Variants in DLG2 observed in about 807,000 individuals in gnomAD.
DLG2 encodes the protein disks large homolog 2.
A neutral mutation model predicts 132.5 loss-of-function variants in DLG2; 45 were observed. The observed-to-expected ratio is 0.34, with a 90% CI of 0.27 to 0.44. The LOEUF is 0.44. DLG2 is among the 20% of genes least tolerant of loss of function. DLG2 has a pLI of 1.00. For missense variants in DLG2, 1,045 were observed against 1,196.9 expected (o/e 0.87, Z 1.87); for synonymous variants, 424 against 419.6 (o/e 1.01, Z -0.13).
At chr11:85,396,553 C>A (rs1205591774) in intron 3 of DLG2, among the ~76,000 whole-genome samples, 1 of 152,058 alleles carries the variant, frequency 6.6e-6, no homozygotes, top group Non-Finnish European at 1.5e-5. Context: ...GATTGGCTAA[C>A]TAAAATAAAC....
intron 6 of DLG2, chr11:84,997,605 T>A (rs1204538460): frequency 6.6e-6 from 1 of 152,252 alleles, no homozygotes; most frequent in East Asian, 1.9e-4. Flanking sequence ...TCAGGTGATC[T>A]TGACCTTCCT....
intron 3 of DLG2, among the ~76,000 whole-genome samples, chr11:85,508,965 T>C (rs1482188105): frequency 6.6e-6 from 1 of 152,170 alleles, no homozygotes. Context: ...AGTAATAGTA[T>C]AGTTTATTTC....
chr11:85,041,049 G>T (rs965561045), intron 6 of DLG2, among the ~76,000 whole-genome samples: 39 of 151,906 alleles, frequency 2.6e-4, no homozygotes, highest in East Asian at 1.4e-3. Context: ...GGAATAGGCA[G>T]GGGGAACAGG....
At chr11:84,475,161 G>A (rs188326094) in intron 7 of DLG2, among the ~76,000 whole-genome samples, 2 of 152,200 alleles carry the variant, frequency 1.3e-5, no homozygotes, top group African/African-American at 2.4e-5. Context: ...GGCACAGCCT[G>A]GCTTCTGTGT....
At chr11:84,406,204 A>G (rs1340894317) in intron 7 of DLG2, among the ~76,000 whole-genome samples, 2 of 152,128 alleles carry the variant, frequency 1.3e-5, no homozygotes, top group East Asian at 3.9e-4. Context: ...CCCATTCCTT[A>G]ACTTCATACC....
At chr11:84,663,249 AT>A (rs200108753) in intron 6 of DLG2, among the ~76,000 whole-genome samples, 10,308 of 102,230 alleles carry the variant, frequency 0.1, 381 homozygotes, top group African/African-American at 0.14. Flanking sequence ...ATATATATAT[AT>A]TTTTTTTTCA....
intron 9 of DLG2, among the ~76,000 whole-genome samples, chr11:84,124,801 T>G (rs1186079664): frequency 1.3e-5 from 2 of 151,340 alleles, no homozygotes; most frequent in Non-Finnish European, 2.9e-5. Flanking sequence ...TTTTTTTGCG[T>G]AAATGTGATA....
chr11:84,644,292 A>C (rs575788665), intron 6 of DLG2, among the ~76,000 whole-genome samples: 1 of 152,300 alleles, frequency 6.6e-6, no homozygotes, highest in African/African-American at 2.4e-5. Flanking sequence ...CCTAGTGTGA[A>C]AAATATTTCT....
At chr11:83,851,662 C>G (rs1175818752) in intron 16 of DLG2, among the ~76,000 whole-genome samples, 1 of 151,276 alleles carries the variant, frequency 6.6e-6, no homozygotes, top group Non-Finnish European at 1.5e-5. Flanking sequence ...TGGCTCTTGC[C>G]TGTAATCCCA....
At chr11:84,013,384 G>A (rs762480786) in intron 11 of DLG2, among the ~76,000 whole-genome samples, 14 of 152,074 alleles carry the variant, frequency 9.2e-5, no homozygotes, top group Non-Finnish European at 1.6e-4. Flanking sequence ...TAATATTGAG[G>A]AGCTCATGGT....
chr11:84,563,251 T>G (rs1030133255), intron 6 of DLG2, among the ~76,000 whole-genome samples: 1 of 152,210 alleles, frequency 6.6e-6, no homozygotes, highest in Non-Finnish European at 1.5e-5. Context: ...TCTCAAAACA[T>G]GATGGTGAGT....
intron 11 of DLG2, among the ~76,000 whole-genome samples, chr11:84,001,792 G>A (rs899011958): frequency 6.6e-6 from 1 of 151,936 alleles, no homozygotes; most frequent in Non-Finnish European, 1.5e-5. Flanking sequence ...GAGCAACTTT[G>A]GAAACTATAC....
At chr11:85,116,277 T>G (rs1477255300) in intron 5 of DLG2, among the ~76,000 whole-genome samples, 2 of 151,996 alleles carry the variant, frequency 1.3e-5, no homozygotes, top group African/African-American at 4.8e-5. Flanking sequence ...GAACACTTTC[T>G]GACTTCTAGT....
intron 10 of DLG2, among the ~76,000 whole-genome samples, chr11:84,074,721 G>A (rs2096802617): frequency 6.6e-6 from 1 of 151,804 alleles, no homozygotes; most frequent in African/African-American, 2.4e-5. Flanking sequence ...GTACAGACGG[G>A]GTTTCACCAT....
chr11:84,748,793 A>G (rs2065727679), intron 6 of DLG2, among the ~76,000 whole-genome samples: 1 of 152,150 alleles, frequency 6.6e-6, no homozygotes, highest in Non-Finnish European at 1.5e-5. Context: ...ATACTTGGCT[A>G]CTAAGAAGGC....
At chr11:84,666,567 G>C (rs1385823697) in intron 6 of DLG2, among the ~76,000 whole-genome samples, 1 of 151,900 alleles carries the variant, frequency 6.6e-6, no homozygotes, top group East Asian at 1.9e-4. Flanking sequence ...CAAGTATTTA[G>C]GGACCCTCTC....
intron 7 of DLG2, among the ~76,000 whole-genome samples, chr11:84,271,143 T>C (rs2097716773): frequency 1.3e-5 from 2 of 152,328 alleles, no homozygotes; most frequent in African/African-American, 4.8e-5. Flanking sequence ...ATTTTAATAA[T>C]GGCTATAATT....
At chr11:85,217,091 A>AC (rs2082663939) in intron 4 of DLG2, among the ~76,000 whole-genome samples, 1 of 152,158 alleles carries the variant, frequency 6.6e-6, no homozygotes, top group Non-Finnish European at 1.5e-5. Context: ...TATCCCCAAA[A>AC]CAATATTGTG....
At chr11:83,718,301 C>T (rs553071237) in intron 18 of DLG2, among the ~76,000 whole-genome samples, 180 of 152,002 alleles carry the variant, frequency 1.2e-3, no homozygotes, top group Middle Eastern at 6.8e-3. Context: ...CTTTTGGAGG[C>T]CAAGGCAGCC....
Sources: gnomAD v4.1 joint callset for allele counts (sites outside exome capture counted in the v4.1 genomes callset) on GRCh38, gnomAD v4.1.1 for gene constraint, MANE v1.5 for transcripts, NCBI Gene and HGNC (gene_info 2026-07-23, HGNC 2026-07-21) for gene names.